The following TENM3 variants were observed in gnomAD, a reference collection of about 807,000 sequenced individuals.
The protein encoded by TENM3 is teneurin-3.
In TENM3, 63 loss-of-function variants were observed where a neutral mutation model predicts 255.1. The ratio of observed to expected loss-of-function variants is 0.25; its 90% confidence interval spans 0.20 to 0.30. TENM3 has a LOEUF of 0.30. TENM3 is among the 10% of genes least tolerant of loss of function. TENM3 has a pLI of 1.00. For missense variants in TENM3, 2,929 were observed against 3,461.1 expected (o/e 0.85, Z 3.86); for synonymous variants, 1,306 against 1,322.3 (o/e 0.99, Z 0.27).
the TENM3 span, among the ~76,000 whole-genome samples, chr4:182,116,893 A>G: frequency 6.6e-6 from 1 of 152,062 alleles, no homozygotes; most frequent in African/African-American, 2.4e-5. Flanking sequence ...AAAGTGCACC[A>G]CTCTGCATTA....
chr4:182,044,398 TC>T, the TENM3 span, among the ~76,000 whole-genome samples: 1 of 152,248 alleles, frequency 6.6e-6, no homozygotes, highest in Non-Finnish European at 1.5e-5. Flanking sequence ...ACTAATGCTT[TC>T]CAGTGTGATT....
intron 5 of TENM3, among the ~76,000 whole-genome samples, chr4:182,645,714 T>G (rs1427832493): frequency 1.3e-5 from 2 of 152,178 alleles, no homozygotes; most frequent in Non-Finnish European, 2.9e-5. Flanking sequence ...TGGGCCTCTT[T>G]ATGAGGCTGC....
At chr4:182,302,981 T>C (rs960168321) in intron 1 of TENM3, among the ~76,000 whole-genome samples, 1 of 152,204 alleles carries the variant, frequency 6.6e-6, no homozygotes, top group Non-Finnish European at 1.5e-5. Context: ...CATCTCACTT[T>C]ATCAGTCATC....
At chr4:181,746,820 T>G in the TENM3 span, among the ~76,000 whole-genome samples, 2 of 152,238 alleles carry the variant, frequency 1.3e-5, no homozygotes, top group African/African-American at 4.8e-5. Flanking sequence ...CCCTGTTTAC[T>G]TTTGATGTAT....
At chr4:181,736,335 C>T in the TENM3 span, among the ~76,000 whole-genome samples, 124 of 152,240 alleles carry the variant, frequency 8.1e-4, no homozygotes, top group African/African-American at 2.9e-3. Context: ...TCTATTCTTT[C>T]TGATCAAATT....
the TENM3 span, among the ~76,000 whole-genome samples, chr4:181,974,995 T>C: frequency 5.9e-5 from 9 of 152,206 alleles, no homozygotes; most frequent in African/African-American, 2.2e-4. Flanking sequence ...TTATGTCCTG[T>C]TGAGTTCCCA....
intron 24 of TENM3, among the ~76,000 whole-genome samples, chr4:182,776,165 C>T (rs1441617034): frequency 6.6e-6 from 1 of 152,186 alleles, no homozygotes; most frequent in Non-Finnish European, 1.5e-5. Flanking sequence ...GTAATCCCAA[C>T]ACTTTGGGAG....
In TENM3 at chr4:182,600,982, GCAGCA is replaced by G; in HGVS notation, c.572_576del (p.Gln191LeufsTer19). The G allele has an allele frequency of 6.4e-7, 1 of 1,557,866 alleles. No individual in the cohort carries two copies. The highest frequency in any genetic ancestry group is 8.7e-7 in the Non-Finnish European group (1 of 1,152,788). On this transcript the variant is annotated frameshift_variant, in exon 4 of 28. Coordinates refer to ENST00000511685, the MANE Select transcript of TENM3 (RefSeq NM_001080477.4). LOFTEE classifies it high-confidence loss of function. ...TGCAGCCCTTGCCGCCTTCCCATAA[GCAGCA>G]CTCTGCACAGCATCATCCATCCATC...
chr4:181,954,055 A>G, the TENM3 span, among the ~76,000 whole-genome samples: 1 of 152,174 alleles, frequency 6.6e-6, no homozygotes, highest in South Asian at 2.1e-4. Flanking sequence ...TTTCATTTAA[A>G]TTGTCTTATA....
the TENM3 span, among the ~76,000 whole-genome samples, chr4:181,585,479 G>C: frequency 1.3e-5 from 2 of 152,150 alleles, no homozygotes; most frequent in African/African-American, 2.4e-5. Context: ...TTTAAGTAGT[G>C]AGAAAACTGT....
At chr4:182,419,086 C>A (rs1580474238) in intron 3 of TENM3, among the ~76,000 whole-genome samples, 2 of 152,180 alleles carry the variant, frequency 1.3e-5, no homozygotes, top group Non-Finnish European at 1.5e-5. Flanking sequence ...TATTTAAGAT[C>A]TTTATTGTTA....
chr4:181,636,778 A>G, the TENM3 span, among the ~76,000 whole-genome samples: 1 of 152,192 alleles, frequency 6.6e-6, no homozygotes, highest in Non-Finnish European at 1.5e-5. Flanking sequence ...CAGCGACCAA[A>G]GTAATCCTGT....
chr4:182,367,470 G>C (rs1441371935), intron 3 of TENM3, among the ~76,000 whole-genome samples: 1 of 152,134 alleles, frequency 6.6e-6, no homozygotes, highest in Non-Finnish European at 1.5e-5. Flanking sequence ...CGATGAGCTT[G>C]GAATTGATGA....
At chr4:181,576,219 T>A in the TENM3 span, among the ~76,000 whole-genome samples, 2 of 152,204 alleles carry the variant, frequency 1.3e-5, no homozygotes, top group African/African-American at 4.8e-5. Context: ...TATTTCTGAG[T>A]TGTTCCACTT....
chr4:181,568,494 A>G, the TENM3 span, among the ~76,000 whole-genome samples: 1 of 151,932 alleles, frequency 6.6e-6, no homozygotes, highest in Non-Finnish European at 1.5e-5. Flanking sequence ...CTGGCCGCCA[A>G]CTATGTCTTT....
chr4:181,529,127 C>T, the TENM3 span, among the ~76,000 whole-genome samples: 1 of 152,186 alleles, frequency 6.6e-6, no homozygotes, highest in Non-Finnish European at 1.5e-5. Flanking sequence ...TTGCCCAATG[C>T]TCTACTGCTG....
intron 5 of TENM3, among the ~76,000 whole-genome samples, chr4:182,651,689 TC>T (rs1247854905): frequency 1.4e-5 from 2 of 142,108 alleles, no homozygotes; most frequent in Admixed American, 7.0e-5. Flanking sequence ...AGAGCGAGAC[TC>T]CGTCTCAGAA....
chr4:182,582,821 A>C (rs1312575224), intron 3 of TENM3, among the ~76,000 whole-genome samples: 5 of 152,220 alleles, frequency 3.3e-5, no homozygotes, highest in Admixed American at 3.3e-4. Context: ...TACAACAAGA[A>C]AAAATTCACA....
chr4:182,482,317 A>G (rs1198952692), intron 3 of TENM3, among the ~76,000 whole-genome samples: 2 of 152,182 alleles, frequency 1.3e-5, no homozygotes, highest in Admixed American at 1.3e-4. Flanking sequence ...AAGTAAACCT[A>G]GTTATTAATA....
Sources: gnomAD v4.1 joint callset for allele counts (sites outside exome capture counted in the v4.1 genomes callset) on GRCh38, gnomAD v4.1.1 for gene constraint, MANE v1.5 for transcripts, NCBI Gene and HGNC (gene_info 2026-07-23, HGNC 2026-07-21) for gene names.